KIAA1210: variants seen among roughly 807,000 people sequenced by gnomAD.
KIAA1210 encodes the protein acrosomal protein KIAA1210.
A neutral mutation model predicts 78.9 loss-of-function variants in KIAA1210; 48 were observed. That is an observed-to-expected ratio of 0.61 (90% confidence interval 0.48 to 0.77). The LOEUF (loss-of-function observed/expected upper bound fraction) is 0.77, where lower values mean the gene tolerates loss of function less well. Ranked by LOEUF, KIAA1210 falls within the 30% of genes least tolerant of loss-of-function variation. KIAA1210 has a pLI of 0.00. For missense variants in KIAA1210, 1,108 were observed against 1,100.0 expected (o/e 1.01, Z -0.10); for synonymous variants, 406 against 404.5 (o/e 1.00, Z -0.04).
intron 2 of KIAA1210, among the ~76,000 whole-genome samples, chrX:119,141,529 T>G (rs1427087218): frequency 8.9e-6 from 1 of 112,569 alleles, no homozygotes; most frequent in East Asian, 2.8e-4. Context: ...TACATTGTTC[T>G]AAGTTTTTGT....
chrX:119,115,242 T>G (rs1407641343), intron 3 of KIAA1210, among the ~76,000 whole-genome samples: 5 of 110,414 alleles, frequency 4.5e-5, no homozygotes, highest in African/African-American at 1.7e-4. Flanking sequence ...CCCTTCTCTC[T>G]CTCTCTCTCT....
At chrX:119,119,715 G>A (rs1195102133) in intron 2 of KIAA1210, among the ~76,000 whole-genome samples, 1 of 111,037 alleles carries the variant, frequency 9.0e-6, no homozygotes, top group Non-Finnish European at 1.9e-5. Flanking sequence ...GGTGGCTCAC[G>A]CCTGTAATCC....
At chrX:119,141,175 C>T (rs1409509889) in intron 2 of KIAA1210, among the ~76,000 whole-genome samples, 4 of 111,464 alleles carry the variant, frequency 3.6e-5, no homozygotes, top group Non-Finnish European at 7.5e-5. Flanking sequence ...TTACTTCACT[C>T]TCCATTTTCC....
At chrX:119,100,752 A>G (rs1227694570) in intron 6 of KIAA1210, among the ~76,000 whole-genome samples, 1 of 111,433 alleles carries the variant, frequency 9.0e-6, no homozygotes, top group African/African-American at 3.3e-5. Flanking sequence ...CAAATCTCCA[A>G]TGTTTATTTC....
intron 2 of KIAA1210, among the ~76,000 whole-genome samples, chrX:119,122,009 G>A (rs1426769764): frequency 1.9e-5 from 2 of 106,784 alleles, no homozygotes; most frequent in Non-Finnish European, 1.9e-5. Flanking sequence ...TGATCTGCCC[G>A]CCTAGGCCTC....
rs1230640633 is a variant in KIAA1210 at position 119,087,278 on chromosome X, G to A, written c.3424C>T (p.Pro1142Ser). ...QKVSPVSASS[P>S]KEWRNSKKQL... ...TTTTTAGAATTCCTCCACTCTTTAGGAGAACTGGCAGAAACAGGGGAGACT... is the reference window on the plus strand; with the variant it reads ...TTTTTAGAATTCCTCCACTCTTTAGAAGAACTGGCAGAAACAGGGGAGACT... The change falls in exon 9 of 12, where the codon CCT becomes TCT. Residue 1142 changes from proline (P) to serine (S), a missense_variant. Pro to Ser is a moderately conservative substitution (Grantham distance 74, BLOSUM62 -1). Coordinates refer to ENST00000691062, the MANE Select transcript of KIAA1210 (RefSeq NM_001394962.1). The A allele has an allele frequency of 8.3e-7, 1 of 1,211,145 alleles. No homozygotes were observed. Among genetic ancestry groups the A allele is most frequent in the Non-Finnish European group, 1.1e-6 (1 of 895,233 alleles).
At position 119,108,491 on chromosome X, in the gene KIAA1210, A is replaced by G; in HGVS notation, c.358-20T>C. 3.3e-6 allele frequency: 4 copies of G among 1,196,630 alleles called. No homozygotes were observed. Among genetic ancestry groups the G allele is most frequent in the Non-Finnish European group, 4.5e-6 (4 of 889,413 alleles). ...GGATCTCTGTGTAAGAGAGAGAGAA[A>G]AAAACTTGAGGATTGGTATGCCAGC... On this transcript the variant is annotated intron_variant, in intron 4 of 11. Coordinates refer to ENST00000691062, the MANE Select transcript of KIAA1210 (RefSeq NM_001394962.1).
intron 8 of KIAA1210, among the ~76,000 whole-genome samples, chrX:119,092,691 G>A (rs1238110517): frequency 9.1e-6 from 1 of 109,348 alleles, no homozygotes; most frequent in African/African-American, 3.3e-5. Context: ...AACTAGGGAG[G>A]TGGAGGTTGC....
At position 119,105,027 on chromosome X, in the gene KIAA1210, T is replaced by C; in HGVS notation, c.613A>G (p.Lys205Glu). 1.7e-6 allele frequency: 2 copies of C among 1,210,162 alleles called. No homozygotes were observed. The highest frequency in any genetic ancestry group is 2.2e-6 in the Non-Finnish European group (2 of 894,685). The change falls in exon 6 of 12, where the codon AAG becomes GAG. Residue 205 changes from lysine to glutamate, a missense_variant. Around this residue, in one of 5 missense-constraint regions of KIAA1210, gnomAD observed 672 missense variants for 607.1 expected, o/e 1.11. Coordinates refer to ENST00000691062, the MANE Select transcript of KIAA1210 (RefSeq NM_001394962.1). ...GTCAAACTCTTATGTGGTAAAGCCT[T>C]CTTTTGTGGATTCTTAGGTGACTCA... ...DDESPKNPQK[K>E]ALPHKSLTAT... is the part of the protein sequence containing the mutation.
intron 9 of KIAA1210, among the ~76,000 whole-genome samples, chrX:119,086,315 TG>T (rs1167877172): frequency 9.0e-6 from 1 of 111,261 alleles, no homozygotes; most frequent in Non-Finnish European, 1.9e-5. Flanking sequence ...GGAATGTAGA[TG>T]GATGTCCAGA....
chrX:119,132,691 C>T (rs1031242403), upstream of KIAA1210, among the ~76,000 whole-genome samples: 5 of 111,659 alleles, frequency 4.5e-5, no homozygotes, highest in Non-Finnish European at 7.5e-5. Flanking sequence ...AGTGGAATGG[C>T]ATAATCATAG....
intron 2 of KIAA1210, among the ~76,000 whole-genome samples, chrX:119,137,707 G>A (rs1055931762): frequency 8.9e-6 from 1 of 112,149 alleles, no homozygotes; most frequent in Non-Finnish European, 1.9e-5. Flanking sequence ...AAGCTCATCA[G>A]CTGTAGTTAG....
chrX:119,125,735 ATTTTTTTT>A lies in KIAA1210; in HGVS notation c.-11+1984_-11+1991del, dbSNP rs1163974116. On this transcript the variant is annotated intron_variant, in intron 1 of 11. Coordinates refer to ENST00000691062, the MANE Select transcript of KIAA1210 (RefSeq NM_001394962.1). Reference sequence around the variant, plus strand: ...AATACATATATATATATATATATATATTTTTTTTTTTTTTTTTTTGGAGAGATGGGGTC... The same window carrying A: ...AATACATATATATATATATATATATATTTTTTTTTTTGGAGAGATGGGGTC... Among the ~76,000 whole-genome samples the A allele has an allele frequency of 1.3e-3, 21 of 15,792 alleles. 1 individual carries two copies. Among genetic ancestry groups the A allele is most frequent in the African/African-American group, 5.5e-3 (21 of 3,843 alleles). 13.7% of individuals were successfully genotyped at this position (15,792 alleles called of 115,157 possible).
intron 7 of KIAA1210, chrX:119,094,226 A>C (rs1476113789): frequency 1.4e-5 from 6 of 432,568 alleles, no homozygotes; most frequent in Non-Finnish European, 2.4e-5. Context: ...ATGTAATGAA[A>C]GCATGAATTA....
intron 3 of KIAA1210, among the ~76,000 whole-genome samples, chrX:119,113,165 G>A (rs1226932381): frequency 9.0e-6 from 1 of 111,113 alleles, no homozygotes; most frequent in Admixed American, 9.6e-5. Flanking sequence ...GATTTCTAGG[G>A]CCTGGCGGGC....
chrX:119,136,673 T>A (rs1025559516), intron 2 of KIAA1210, among the ~76,000 whole-genome samples: 1 of 111,407 alleles, frequency 9.0e-6, no homozygotes, highest in African/African-American at 3.3e-5. Flanking sequence ...CAAAAAAAAA[T>A]TTCTGAAACT....
chrX:119,081,522 A>G lies in KIAA1210; in HGVS notation c.4427-18T>C. ...AAATCCAACTGGAACCACAGCAAATAACACACAAGCAATAAGGAACCCCAG... is the reference window on the plus strand; with the variant it reads ...AAATCCAACTGGAACCACAGCAAATGACACACAAGCAATAAGGAACCCCAG... On this transcript the variant is annotated intron_variant, in intron 11 of 11. Transcript: ENST00000691062. 8.4e-7 allele frequency: 1 copy of G among 1,195,910 alleles called. No homozygotes were observed. Among genetic ancestry groups the G allele is most frequent in the Non-Finnish European group, 1.1e-6 (1 of 885,291 alleles).
exon 1 of KIAA1210, chrX:119,150,538 G>A (rs763058290): frequency 2.5e-6 from 3 of 1,210,099 alleles, no homozygotes; most frequent in South Asian, 1.8e-5. Flanking sequence ...GGAGAGAAGC[G>A]TGAAAGGCAG....
chrX:119,092,112 C>T (rs766962921), intron 8 of KIAA1210, among the ~76,000 whole-genome samples: 26 of 112,000 alleles, frequency 2.3e-4, no homozygotes, highest in Non-Finnish European at 3.9e-4. Flanking sequence ...TTTTTTAAAC[C>T]GATCATATGT....
Sources: allele counts gnomAD v4.1 joint callset (sites outside exome capture counted in the v4.1 genomes callset), GRCh38; gene constraint gnomAD v4.1.1; regional missense constraint gnomAD v4.1.1; transcripts MANE v1.5; gene names NCBI Gene and HGNC (gene_info 2026-07-23, HGNC 2026-07-21).